SLC10A2: variants seen among roughly 807,000 people sequenced by gnomAD.
SLC10A2 encodes solute carrier family 10 member 2, also known as ileal sodium/bile acid cotransporter.
Under a neutral mutation model 27.1 loss-of-function variants are expected in SLC10A2, and 34 were observed. The observed-to-expected ratio is 1.26, with a 90% CI of 0.96 to 1.67. SLC10A2 has a LOEUF of 1.67. SLC10A2 is among the 40% of genes most tolerant of loss of function. The pLI, the probability that SLC10A2 is intolerant of heterozygous loss-of-function variation, is 0.00. For missense variants in SLC10A2, 530 were observed against 444.4 expected, an observed-to-expected ratio of 1.19 and a Z score of -1.73; for synonymous variants, 205 against 174.0, an observed-to-expected ratio of 1.18 and a Z score of -1.40.
chr13:103,050,511 A>G (rs1430143309), intron 4 of SLC10A2, among the ~76,000 whole-genome samples: 2 of 152,178 alleles, frequency 1.3e-5, no homozygotes, highest in East Asian at 3.9e-4. Flanking sequence ...GGATGAGCTC[A>G]CCCTGCTGCC....
chr13:103,054,743 G>A (rs1875891834), intron 2 of SLC10A2, among the ~76,000 whole-genome samples: 1 of 152,098 alleles, frequency 6.6e-6, no homozygotes, highest in African/African-American at 2.4e-5. Context: ...GGGGTTGACT[G>A]GGAAAGGGAC....
At chr13:103,052,875 C>A (rs1044820346) in intron 2 of SLC10A2, among the ~76,000 whole-genome samples, 167 bp from the exon 3 acceptor site, 2 of 152,180 alleles carry the variant, frequency 1.3e-5, no homozygotes, top group African/African-American at 4.8e-5. Flanking sequence ...CACACACACT[C>A]ACTCAACTTC....
intron 4 of SLC10A2, 89 bp from the exon 5 acceptor site, chr13:103,049,535 G>A (rs1875712511): frequency 7.7e-7 from 1 of 1,297,336 alleles, no homozygotes; most frequent in African/African-American, 1.5e-5. Context: ...ACATATATAT[G>A]CATTATGTCT....
intron 2 of SLC10A2, among the ~76,000 whole-genome samples, chr13:103,056,191 A>G (rs184748724): frequency 3.3e-5 from 5 of 152,362 alleles, no homozygotes; most frequent in African/African-American, 1.2e-4. Context: ...CCTTGCTGAG[A>G]AAACTTTTTG....
At position 103,066,197 on chromosome 13, in the gene SLC10A2, G is replaced by T. The variant is rs770829839; in HGVS notation, c.53C>A (p.Ser18Tyr). 6.2e-7 allele frequency: 1 copy of T among 1,614,066 alleles called. No homozygotes were observed. Among genetic ancestry groups the T allele is most frequent in the East Asian group, 2.2e-5 (1 of 44,880 alleles). Residue 18 changes from serine to tyrosine, a missense_variant, in exon 1 of 6, where the codon TCC becomes TAC. By Grantham distance (144) the Ser-to-Tyr change is moderately radical (BLOSUM62 -2). Coordinates refer to ENST00000245312, the MANE Select transcript of SLC10A2 (RefSeq NM_000452.3). ...VDNATVCSGA[S>Y]CVVPESNFNN... ...GAAATTGCTCTCAGGTACCACACAGGATGCACCAGAGCAAACTGTTGCATT... is the reference window on the plus strand; with the variant it reads ...GAAATTGCTCTCAGGTACCACACAGTATGCACCAGAGCAAACTGTTGCATT...
chr13:103,052,701 A>G lies in SLC10A2; in HGVS notation c.504T>C (p.Ser168=). 1 of 1,595,112 alleles carries G rather than the reference A, an allele frequency of 6.3e-7. No homozygotes were observed. The highest frequency in any genetic ancestry group is 8.6e-7 in the Non-Finnish European group (1 of 1,162,808). The part of the protein sequence containing the change: ...IVIPYDNIGT[S]LVSLVVPVSI... Reference sequence around the variant, plus strand: ...AAACAGGAACAACGAGAGAAACCAGAGATGTACCTAAAGATGACAGAAGGG... The same window carrying G: ...AAACAGGAACAACGAGAGAAACCAGGGATGTACCTAAAGATGACAGAAGGG... The change falls in exon 3 of 6, where the codon TCT becomes TCC. Residue 168 remains serine (S), a synonymous_variant. Coordinates refer to ENST00000245312, the MANE Select transcript of SLC10A2 (RefSeq NM_000452.3).
chr13:103,058,048 A>T (rs1875990149), intron 2 of SLC10A2, among the ~76,000 whole-genome samples: 1 of 152,060 alleles, frequency 6.6e-6, no homozygotes, highest in African/African-American at 2.4e-5. Flanking sequence ...CTGGTGATTC[A>T]AATTGAAGAA....
intron 1 of SLC10A2, among the ~76,000 whole-genome samples, chr13:103,063,185 C>G (rs970265991): frequency 1.3e-5 from 2 of 151,852 alleles, no homozygotes; most frequent in Non-Finnish European, 2.9e-5. Flanking sequence ...TTGCTGGATT[C>G]CAATGATCAA....
intron 1 of SLC10A2, among the ~76,000 whole-genome samples, chr13:103,063,038 C>T (rs539072362): frequency 3.9e-5 from 6 of 152,290 alleles, no homozygotes; most frequent in Non-Finnish European, 7.4e-5. Context: ...CCTGAAAAGT[C>T]ACCATCTCTT....
intron 1 of SLC10A2, among the ~76,000 whole-genome samples, 167 bp from the exon 2 acceptor site, chr13:103,058,549 A>T (rs1204881537): frequency 6.6e-6 from 1 of 152,096 alleles, no homozygotes; most frequent in Admixed American, 6.5e-5. Context: ...AGATTATTTC[A>T]TTGCCTAGGT....
At chr13:103,063,264 G>T (rs1052044078) in intron 1 of SLC10A2, among the ~76,000 whole-genome samples, 3 of 152,150 alleles carry the variant, frequency 2.0e-5, no homozygotes, top group South Asian at 2.1e-4. Flanking sequence ...GGCTTTCCAG[G>T]TTCATAAGAG....
chr13:103,057,326 A>G (rs915878926), intron 2 of SLC10A2, among the ~76,000 whole-genome samples: 2 of 152,168 alleles, frequency 1.3e-5, no homozygotes, highest in Non-Finnish European at 2.9e-5. Context: ...TCCCTAAGTT[A>G]CAACAATAAC....
At chr13:103,058,755 A>C (rs775548667) in intron 1 of SLC10A2, among the ~76,000 whole-genome samples, 2 of 152,188 alleles carry the variant, frequency 1.3e-5, no homozygotes, top group Non-Finnish European at 2.9e-5. Context: ...AATGGCCTCC[A>C]GCTCCATCCA....
rs1338749552 is a variant in SLC10A2, at chr13:103,045,314, AC to A, written c.*818del. On this transcript the variant is annotated 3_prime_UTR_variant, in exon 6 of 6. Coordinates refer to ENST00000245312, the MANE Select transcript of SLC10A2 (RefSeq NM_000452.3). Reference sequence around the variant, plus strand: ...CATATTAGCTATGTGGATCCACTGCACACAGGAAAACCTTGAGGAAGTCCCT... The same window carrying A: ...CATATTAGCTATGTGGATCCACTGCAACAGGAAAACCTTGAGGAAGTCCCT... 2.6e-5 allele frequency: 4 copies of A among 152,230 alleles called. No individual in the cohort carries two copies. Among genetic ancestry groups the A allele is most frequent in the African/African-American group, 9.6e-5 (4 of 41,462 alleles). 9.4% of individuals were successfully genotyped at this position (152,230 alleles called of 1,614,324 possible).
intron 2 of SLC10A2, among the ~76,000 whole-genome samples, chr13:103,055,425 C>T (rs1417971192): frequency 6.6e-6 from 1 of 152,152 alleles, no homozygotes; most frequent in Non-Finnish European, 1.5e-5. Context: ...CACGTCTGCC[C>T]ATAGAGCTGT....
intron 1 of SLC10A2, among the ~76,000 whole-genome samples, chr13:103,058,795 T>C (rs1876016544): frequency 6.6e-6 from 1 of 152,240 alleles, no homozygotes; most frequent in Non-Finnish European, 1.5e-5. Context: ...ATCTAGTCCA[T>C]TTTTATGGCT....
chr13:103,065,314 C>CT (rs1876239452), intron 1 of SLC10A2, among the ~76,000 whole-genome samples: 1 of 152,128 alleles, frequency 6.6e-6, no homozygotes, highest in Non-Finnish European at 1.5e-5. Flanking sequence ...CTGCTATAGG[C>CT]TTTTTCCCCC....
rs573079968 is a variant in SLC10A2 at position 103,049,501 on chromosome 13, T to C, written c.762-55A>G. On this transcript the variant is annotated intron_variant, in intron 4 of 5. Transcript: ENST00000245312. The stretch of plus-strand genomic sequence containing the variant: ...TTAGTAGTTTTGTTATTGTGAAACA[T>C]GAAAAGCAGATATAATAATAAGTAC... 4 of 1,575,278 alleles carry C rather than the reference T, an allele frequency of 2.5e-6. No homozygotes were observed. In the African/African-American group the frequency reaches 4.0e-5, roughly 16 times the overall value.
intron 4 of SLC10A2, among the ~76,000 whole-genome samples, chr13:103,051,043 G>C (rs1202753478): frequency 6.6e-6 from 1 of 152,130 alleles, no homozygotes; most frequent in Admixed American, 6.5e-5. Flanking sequence ...CAAGCCACGA[G>C]GAAGGCCAGT....
Sources: gnomAD v4.1 joint callset for allele counts (sites outside exome capture counted in the v4.1 genomes callset) on GRCh38, gnomAD v4.1.1 for gene constraint, MANE v1.5 for transcripts, NCBI Gene and HGNC (gene_info 2026-07-23, HGNC 2026-07-21) for gene names.